The following NEGR1 variants were observed in gnomAD, a reference collection of about 807,000 sequenced individuals.
The protein encoded by NEGR1 is IgLON family member 4.
NEGR1 carries 10 observed loss-of-function variants against 40.9 expected under a neutral mutation model. The observed-to-expected ratio is 0.24, with a 90% CI of 0.15 to 0.42. NEGR1 has a LOEUF of 0.42. NEGR1 is among the 10% of genes least tolerant of loss of function. The pLI, the probability that NEGR1 is intolerant of heterozygous loss-of-function variation, is 1.00. For missense variants in NEGR1, 352 were observed against 438.9 expected, an observed-to-expected ratio of 0.80 and a Z score of 1.77; for synonymous variants, 185 against 166.8, an observed-to-expected ratio of 1.11 and a Z score of -0.84.
intron 6 of NEGR1, among the ~76,000 whole-genome samples, chr1:71,575,047 G>C (rs1021382472): frequency 7.2e-5 from 11 of 152,130 alleles, no homozygotes; most frequent in Non-Finnish European, 1.6e-4. Context: ...AGAATAATAG[G>C]AGAACGTGGA....
chr1:71,791,443 G>A (rs1263632822), intron 2 of NEGR1, among the ~76,000 whole-genome samples: 2 of 151,966 alleles, frequency 1.3e-5, no homozygotes, highest in Non-Finnish European at 2.9e-5. Flanking sequence ...TGGCCACAGT[G>A]GCAGTGTTTA....
At chr1:71,815,731 G>A (rs1658180542) in intron 2 of NEGR1, among the ~76,000 whole-genome samples, 1 of 151,952 alleles carries the variant, frequency 6.6e-6, no homozygotes, top group Non-Finnish European at 1.5e-5. Flanking sequence ...ATTCTAATTA[G>A]TAGGTATCTC....
Position 71,780,636 on chromosome 1 carries a change from T to C in NEGR1, c.410-4339A>G, listed in dbSNP as rs1056740896. Among the ~76,000 whole-genome samples, 9 of 152,362 alleles carry C rather than the reference T, an allele frequency of 5.9e-5. No individual in the cohort carries two copies. The East Asian group carries it at 1.7e-3, about 29-fold the overall frequency. On this transcript the variant is annotated intron_variant, in intron 2 of 6. Transcript: ENST00000357731. ...CTCCATATCCATTTAAATGAACTAC[T>C]CTTGGTCCCTTGCATTCATAACATG... is the stretch of plus-strand genomic sequence containing the variant.
chr1:71,484,215 G>A (rs557010782), intron 6 of NEGR1, among the ~76,000 whole-genome samples: 1 of 151,670 alleles, frequency 6.6e-6, no homozygotes, highest in Non-Finnish European at 1.5e-5. Context: ...CTCTAAAAGT[G>A]ACTACATTCA....
rs5775088 is a variant in NEGR1, at chr1:71,747,832, C to CTTT, written c.535+28337_535+28339dup. On this transcript the variant is annotated intron_variant, in intron 3 of 6. Coordinates refer to ENST00000357731, the MANE Select transcript of NEGR1 (RefSeq NM_173808.3). The stretch of plus-strand genomic sequence containing the variant: ...TTTCCACCCATACCCCATCCTTCAC[C>CTTT]TTTTTTTTTTTTAACATTTATATTT... 1.3e-4 allele frequency among the ~76,000 whole-genome samples: 19 copies of CTTT among 145,512 alleles called. No homozygotes were observed. The East Asian group carries it at 2.4e-3, about 18-fold the overall frequency.
intron 2 of NEGR1, among the ~76,000 whole-genome samples, chr1:71,783,937 G>T (rs1409579022): frequency 6.6e-6 from 1 of 152,074 alleles, no homozygotes; most frequent in South Asian, 2.1e-4. Context: ...TGTCTAAAGA[G>T]TTAGAAAGAT....
chr1:72,219,034 T>A (rs970908743), intron 1 of NEGR1, among the ~76,000 whole-genome samples: 2 of 152,074 alleles, frequency 1.3e-5, no homozygotes, highest in Non-Finnish European at 2.9e-5. Context: ...TCCTTCCTCA[T>A]ACAAAGCGCC....
At chr1:72,257,112 G>A (rs1249120925) in intron 1 of NEGR1, among the ~76,000 whole-genome samples, 1 of 151,996 alleles carries the variant, frequency 6.6e-6, no homozygotes, top group Non-Finnish European at 1.5e-5. Flanking sequence ...CACGAGGTCA[G>A]GAGATTGAGA....
chr1:72,164,095 G>A (rs950924549), intron 1 of NEGR1, among the ~76,000 whole-genome samples: 2 of 151,698 alleles, frequency 1.3e-5, no homozygotes, highest in African/African-American at 2.4e-5. Context: ...TAAGTTTTCA[G>A]GTCACTGAGA....
chr1:72,014,325 G>A (rs12407054), intron 1 of NEGR1, among the ~76,000 whole-genome samples: 14,487 of 152,028 alleles, frequency 0.095, 773 homozygotes, highest in Middle Eastern at 0.18. Flanking sequence ...GGAACTGCCT[G>A]AAGTCACATA....
rs371442822 is a variant in NEGR1 at position 71,737,962 on chromosome 1, G to A, written c.535+38210C>T. Reference sequence around the variant, plus strand: ...TCTCTTCCCAGAGCCAGCACCTGCTGGGTACATGAGTTCAGCTTTCCTATC... The same window carrying A: ...TCTCTTCCCAGAGCCAGCACCTGCTAGGTACATGAGTTCAGCTTTCCTATC... On this transcript the variant is annotated intron_variant, in intron 3 of 6. Transcript: ENST00000357731. Among the ~76,000 whole-genome samples the A allele has an allele frequency of 1.4e-3, 207 of 152,220 alleles. 1 individual carries two copies. Among genetic ancestry groups the A allele is most frequent in the African/African-American group, 4.7e-3 (195 of 41,542 alleles).
chr1:71,513,101 G>A (rs781635013), intron 6 of NEGR1, among the ~76,000 whole-genome samples: 11 of 152,270 alleles, frequency 7.2e-5, no homozygotes, highest in Non-Finnish European at 1.2e-4. Context: ...ATACAATTCA[G>A]AGAGGGTGGA....
intron 6 of NEGR1, among the ~76,000 whole-genome samples, chr1:71,587,423 A>C (rs1443357663): frequency 1.3e-5 from 2 of 150,298 alleles, no homozygotes; most frequent in South Asian, 2.1e-4. Flanking sequence ...GAAGCCCATC[A>C]CATTAAACAG....
intron 1 of NEGR1, among the ~76,000 whole-genome samples, chr1:72,147,178 T>G (rs1455099884): frequency 2.0e-5 from 3 of 152,208 alleles, no homozygotes; most frequent in Non-Finnish European, 4.4e-5. Flanking sequence ...GTATATGTGT[T>G]CATTTATTAG....
At chr1:72,125,325 T>C (rs1332812913) in intron 1 of NEGR1, among the ~76,000 whole-genome samples, 1 of 152,068 alleles carries the variant, frequency 6.6e-6, no homozygotes, top group Non-Finnish European at 1.5e-5. Flanking sequence ...AAATTAAAAA[T>C]ATTTTGATTT....
chr1:72,109,015 T>C (rs1271213633), intron 1 of NEGR1, among the ~76,000 whole-genome samples: 1 of 151,690 alleles, frequency 6.6e-6, no homozygotes, highest in Non-Finnish European at 1.5e-5. Context: ...AGTGACATTA[T>C]CACACAAGGT....
intron 4 of NEGR1, among the ~76,000 whole-genome samples, chr1:71,672,526 A>C (rs898306830): frequency 6.6e-6 from 1 of 152,218 alleles, no homozygotes; most frequent in Admixed American, 6.5e-5. Context: ...TGTTAAATCA[A>C]TCAATAAATG....
intron 3 of NEGR1, among the ~76,000 whole-genome samples, chr1:71,767,383 C>A (rs1426594807): frequency 4.6e-5 from 7 of 152,082 alleles, no homozygotes. Context: ...GTATTGTGCC[C>A]CTGCTCTAGG....
At chr1:72,099,867 T>C (rs1257281358) in intron 1 of NEGR1, among the ~76,000 whole-genome samples, 2 of 151,552 alleles carry the variant, frequency 1.3e-5, no homozygotes, top group South Asian at 2.1e-4. Flanking sequence ...GTATACATTA[T>C]ATATACTCTC....
Sources: gnomAD v4.1 joint callset for allele counts (sites outside exome capture counted in the v4.1 genomes callset) on GRCh38, gnomAD v4.1.1 for gene constraint, MANE v1.5 for transcripts, NCBI Gene and HGNC (gene_info 2026-07-23, HGNC 2026-07-21) for gene names.